Variants in JAKMIP2 observed in about 807,000 individuals in gnomAD.
JAKMIP2 encodes janus kinase and microtubule-interacting protein 2.
JAKMIP2 carries 25 observed loss-of-function variants against 115.0 expected under a neutral mutation model. The ratio of observed to expected loss-of-function variants is 0.22; its 90% CI spans 0.16 to 0.30. JAKMIP2 has a LOEUF of 0.30. Ranked by LOEUF, JAKMIP2 falls within the 10% of genes least tolerant of loss-of-function variation. The pLI, the probability that JAKMIP2 is intolerant of heterozygous loss-of-function variation, is 1.00. For missense variants in JAKMIP2, 642 were observed against 957.6 expected, an observed-to-expected ratio of 0.67 and a Z score of 4.35; for synonymous variants, 334 against 343.6, an observed-to-expected ratio of 0.97 and a Z score of 0.31.
In JAKMIP2 at chr5:147,641,720, G is replaced by A. The variant is rs1420965285; in HGVS notation, c.1269C>T (p.Ser423=). The change falls in exon 8 of 22, where the codon TCC becomes TCT. Residue 423 remains serine, a synonymous_variant. Transcript: ENST00000616793. ...LIRRRKHRRS[S]KPIKRPVLDP... ...GATTTCTTATTACCTTAATTGGCTT[G>A]GAACTTCTTCTATGCTTTCTTCTAC... The A allele has an allele frequency of 6.2e-7, 1 of 1,612,468 alleles. No homozygotes were observed. The highest frequency in any genetic ancestry group is 8.5e-7 in the Non-Finnish European group (1 of 1,178,744).
intron 1 of JAKMIP2, among the ~76,000 whole-genome samples, chr5:147,773,461 T>C (rs1755440319): frequency 7.6e-6 from 1 of 131,296 alleles, no homozygotes; most frequent in South Asian, 2.3e-4. Context: ...GTTTTCAAAC[T>C]ACACATGTTA....
chr5:147,682,324 T>C (rs113619382), intron 1 of JAKMIP2, among the ~76,000 whole-genome samples: 5 of 152,330 alleles, frequency 3.3e-5, no homozygotes, highest in African/African-American at 7.2e-5. Context: ...GTCAAAGTTA[T>C]GGACTTCATC....
intron 10 of JAKMIP2, among the ~76,000 whole-genome samples, chr5:147,638,195 TG>T (rs1757713738): frequency 6.6e-6 from 1 of 152,164 alleles, no homozygotes; most frequent in Non-Finnish European, 1.5e-5. Context: ...AAATTTACTC[TG>T]TTGTTCTTTT....
intron 3 of JAKMIP2, among the ~76,000 whole-genome samples, chr5:147,654,087 A>G (rs187422908): frequency 6.6e-6 from 1 of 151,896 alleles, no homozygotes; most frequent in African/African-American, 2.4e-5. Context: ...TTTTGGTACC[A>G]GTACTATGCT....
At chr5:147,621,970 C>A (rs1281910150) in intron 17 of JAKMIP2, among the ~76,000 whole-genome samples, 1 of 152,114 alleles carries the variant, frequency 6.6e-6, no homozygotes, top group Non-Finnish European at 1.5e-5. Context: ...TGGGTTCAAG[C>A]GATTCTGCTG....
intron 20 of JAKMIP2, among the ~76,000 whole-genome samples, chr5:147,605,634 A>C (rs952257861): frequency 1.3e-5 from 2 of 152,344 alleles, no homozygotes; most frequent in African/African-American, 4.8e-5. Flanking sequence ...AGAATGATTC[A>C]TAATCCTTTG....
chr5:147,781,580 C>A (rs1280965570), intron 1 of JAKMIP2, among the ~76,000 whole-genome samples: 1 of 152,170 alleles, frequency 6.6e-6, no homozygotes, highest in Non-Finnish European at 1.5e-5. Context: ...AGGCAGGCTA[C>A]AAATTTGCAT....
chr5:147,620,810 G>T, intron 17 of JAKMIP2, 67 bp from the exon 18 acceptor site: 2 of 1,104,320 alleles, frequency 1.8e-6, no homozygotes, highest in East Asian at 2.4e-5. Flanking sequence ...AAATGGTATT[G>T]ATTAATGTTT....
intron 1 of JAKMIP2, among the ~76,000 whole-genome samples, chr5:147,773,320 A>G (rs926216762): frequency 6.6e-6 from 1 of 152,128 alleles, no homozygotes; most frequent in Admixed American, 6.6e-5. Flanking sequence ...AAGCACCACA[A>G]GGCTATGATT....
chr5:147,714,665 T>C (rs1752902238), intron 1 of JAKMIP2, among the ~76,000 whole-genome samples: 1 of 152,124 alleles, frequency 6.6e-6, no homozygotes, highest in African/African-American at 2.4e-5. Context: ...CGAGGAAATC[T>C]TAAATGCTAT....
At chr5:147,677,711 G>A (rs1760044655) in intron 1 of JAKMIP2, among the ~76,000 whole-genome samples, 1 of 151,980 alleles carries the variant, frequency 6.6e-6, no homozygotes, top group South Asian at 2.1e-4. Flanking sequence ...TTTTTTAATT[G>A]ACAAAAAGTA....
intron 10 of JAKMIP2, among the ~76,000 whole-genome samples, chr5:147,638,713 C>A (rs917719759): frequency 7.6e-6 from 1 of 131,142 alleles, no homozygotes; most frequent in African/African-American, 2.9e-5. Context: ...GGTCATGCTG[C>A]CTTTTGGCTC....
chr5:147,624,099 C>T (rs1003413200), intron 16 of JAKMIP2, among the ~76,000 whole-genome samples: 4 of 152,116 alleles, frequency 2.6e-5, no homozygotes, highest in Admixed American at 2.6e-4. Flanking sequence ...TCCCAAAGTG[C>T]TGTGATTATA....
chr5:147,728,375 G>A (rs1359148380), intron 1 of JAKMIP2, among the ~76,000 whole-genome samples: 1 of 152,100 alleles, frequency 6.6e-6, no homozygotes, highest in East Asian at 1.9e-4. Flanking sequence ...GCATTGTCTT[G>A]TTCTGTAGTG....
At chr5:147,732,648 T>G (rs562390411) in intron 1 of JAKMIP2, among the ~76,000 whole-genome samples, 2 of 152,220 alleles carry the variant, frequency 1.3e-5, no homozygotes, top group African/African-American at 4.8e-5. Flanking sequence ...GAACATTTAC[T>G]AGGTGCAAAG....
chr5:147,776,975 G>A (rs1036161083), intron 1 of JAKMIP2, among the ~76,000 whole-genome samples: 12 of 151,884 alleles, frequency 7.9e-5, no homozygotes, highest in African/African-American at 1.7e-4. Context: ...AAAACTACAC[G>A]ACATACCACT....
intron 1 of JAKMIP2, among the ~76,000 whole-genome samples, chr5:147,719,554 C>T (rs377340883): frequency 6.6e-6 from 1 of 152,074 alleles, no homozygotes; most frequent in African/African-American, 2.4e-5. Flanking sequence ...CATATATATT[C>T]AGGATAGTTA....
intron 2 of JAKMIP2, among the ~76,000 whole-genome samples, chr5:147,667,186 G>C (rs988169961): frequency 6.6e-6 from 1 of 152,080 alleles, no homozygotes; most frequent in Admixed American, 6.5e-5. Flanking sequence ...GGTGGGGCAG[G>C]GTGAAGGGGA....
intron 1 of JAKMIP2, among the ~76,000 whole-genome samples, chr5:147,775,420 T>TA (rs1755521591): frequency 6.6e-6 from 1 of 152,180 alleles, no homozygotes; most frequent in Non-Finnish European, 1.5e-5. Flanking sequence ...TTATAATAAT[T>TA]AAATTACTAA....
Sources: gnomAD v4.1 joint callset for allele counts (sites outside exome capture counted in the v4.1 genomes callset) on GRCh38, gnomAD v4.1.1 for gene constraint, MANE v1.5 for transcripts, NCBI Gene and HGNC (gene_info 2026-07-23, HGNC 2026-07-21) for gene names.